The following KCNMA1 variants were observed in gnomAD, a reference collection of about 807,000 sequenced individuals.
The protein encoded by KCNMA1 is Calcium-activated potassium channel subunit alpha-1.
A neutral mutation model predicts 140.0 loss-of-function variants in KCNMA1; 29 were observed. The observed-to-expected ratio is 0.21, with a 90% CI of 0.15 to 0.28. KCNMA1 has a LOEUF of 0.28. Among genes scored for constraint, KCNMA1 ranks in the 10% least tolerant of loss-of-function variants. The pLI is 1.00. For synonymous variants in KCNMA1, 612 were observed against 611.9 expected (o/e 1.00, Z 0.00); for missense variants, 880 against 1,602.2 (o/e 0.55, Z 7.70).
chr10:77,121,872 A>G (rs2097606460), intron 5 of KCNMA1, among the ~76,000 whole-genome samples: 2 of 152,234 alleles, frequency 1.3e-5, no homozygotes, highest in South Asian at 4.1e-4. Flanking sequence ...GGCTATAATA[A>G]TTTGGCTATC....
chr10:77,548,006 A>T (rs1818388591), intron 1 of KCNMA1, among the ~76,000 whole-genome samples: 1 of 66,222 alleles, frequency 1.5e-5, no homozygotes, highest in Non-Finnish European at 3.2e-5. Context: ...TTTACAAATT[A>T]AAAAAAAAAA....
At chr10:77,618,532 C>T (rs1360428836) in intron 1 of KCNMA1, among the ~76,000 whole-genome samples, 2 of 152,152 alleles carry the variant, frequency 1.3e-5, no homozygotes, top group East Asian at 1.9e-4. Flanking sequence ...GAAGACTACT[C>T]GTCTAGAAGA....
intron 5 of KCNMA1, among the ~76,000 whole-genome samples, chr10:77,126,575 C>G (rs2097737385): frequency 1.3e-5 from 2 of 152,186 alleles, no homozygotes; most frequent in Admixed American, 1.3e-4. Flanking sequence ...CCCAAATCCC[C>G]TCTTCAGGGA....
At chr10:77,114,314 ACT>A (rs1288463327) in intron 6 of KCNMA1, among the ~76,000 whole-genome samples, 8 of 152,176 alleles carry the variant, frequency 5.3e-5, no homozygotes, top group Admixed American at 1.3e-4. Context: ...CAGACCCGTG[ACT>A]CTGCACTGAG....
chr10:77,579,898 T>A (rs1056687149), intron 1 of KCNMA1, among the ~76,000 whole-genome samples: 1 of 152,162 alleles, frequency 6.6e-6, no homozygotes, highest in Non-Finnish European at 1.5e-5. Context: ...GTTTCTTCCA[T>A]GAACAGCAAT....
intron 25 of KCNMA1, among the ~76,000 whole-genome samples, chr10:76,899,099 T>A (rs1280532367): frequency 1.3e-5 from 2 of 152,068 alleles, no homozygotes; most frequent in African/African-American, 4.8e-5. Context: ...CTACTGTTTT[T>A]AGGCAAAAAG....
At chr10:77,017,120 A>C (rs111746135) in intron 17 of KCNMA1, among the ~76,000 whole-genome samples, 378 of 152,150 alleles carry the variant, frequency 2.5e-3, no homozygotes, top group Non-Finnish European at 4.3e-3. Flanking sequence ...GACATATTGC[A>C]CTCCCTAATA....
chr10:77,019,409 A>C (rs1187529915), intron 16 of KCNMA1: 1 of 326,008 alleles, frequency 3.1e-6, no homozygotes, highest in African/African-American at 2.1e-5. Context: ...ACATGATTTG[A>C]AGCAAAGTCC....
At chr10:77,560,189 C>G (rs1247816665) in intron 1 of KCNMA1, among the ~76,000 whole-genome samples, 1 of 151,994 alleles carries the variant, frequency 6.6e-6, no homozygotes, top group Non-Finnish European at 1.5e-5. Flanking sequence ...TCAACAAAAA[C>G]AAAACAAAAT....
At chr10:77,025,281 T>TATATATACAC (rs1394239548) in intron 16 of KCNMA1, among the ~76,000 whole-genome samples, 1 of 122,328 alleles carries the variant, frequency 8.2e-6, no homozygotes, top group African/African-American at 2.9e-5. Flanking sequence ...TATATATATA[T>TATATATACAC]ACACACACAC....
chr10:77,061,275 A>T (rs2095739877), intron 14 of KCNMA1, among the ~76,000 whole-genome samples: 1 of 152,246 alleles, frequency 6.6e-6, no homozygotes, highest in African/African-American at 2.4e-5. Context: ...TACAAATTGT[A>T]TATCCAACGA....
chr10:77,376,094 G>A (rs2095082859), intron 2 of KCNMA1, among the ~76,000 whole-genome samples: 1 of 152,320 alleles, frequency 6.6e-6, no homozygotes, highest in African/African-American at 2.4e-5. Context: ...AACTCAGACA[G>A]GCCACGGTCC....
At chr10:77,084,571 C>A in intron 12 of KCNMA1, 66 bp downstream of exon 12, 1 of 1,256,186 alleles carries the variant, frequency 8.0e-7, no homozygotes, top group East Asian at 2.3e-5. Context: ...TGCAGAAGAT[C>A]CAAAAGGGCC....
At chr10:77,339,469 G>T (rs900860261) in intron 2 of KCNMA1, among the ~76,000 whole-genome samples, 1 of 152,160 alleles carries the variant, frequency 6.6e-6, no homozygotes, top group Non-Finnish European at 1.5e-5. Flanking sequence ...AGATGTGACT[G>T]TGTTTGTATC....
At chr10:77,571,129 C>T (rs1373005100) in intron 1 of KCNMA1, among the ~76,000 whole-genome samples, 1 of 152,168 alleles carries the variant, frequency 6.6e-6, no homozygotes, top group Non-Finnish European at 1.5e-5. Flanking sequence ...GTTTCTTCCT[C>T]ATTTGTTTCA....
chr10:77,295,284 T>C (rs1344871315), intron 2 of KCNMA1, among the ~76,000 whole-genome samples: 1 of 151,434 alleles, frequency 6.6e-6, no homozygotes, highest in African/African-American at 2.4e-5. Context: ...GAGGCAGAGG[T>C]TGCAGTGAGC....
At chr10:76,981,911 G>A (rs887049263) in intron 19 of KCNMA1, among the ~76,000 whole-genome samples, 9 of 152,120 alleles carry the variant, frequency 5.9e-5, no homozygotes, top group African/African-American at 1.7e-4. Context: ...AAATAGCTCC[G>A]AGCAGCTACA....
chr10:77,424,971 G>C (rs77920373), intron 1 of KCNMA1, among the ~76,000 whole-genome samples: 3,504 of 152,346 alleles, frequency 0.023, 124 homozygotes, highest in African/African-American at 0.08. Context: ...GCATGCAACT[G>C]TGCTCGTTGT....
At chr10:77,178,998 T>C (rs547098815) in intron 5 of KCNMA1, among the ~76,000 whole-genome samples, 2 of 152,328 alleles carry the variant, frequency 1.3e-5, no homozygotes, top group South Asian at 4.1e-4. Flanking sequence ...TCCGCTGCCT[T>C]ATTTTTTATT....
Sources: allele counts gnomAD v4.1 joint callset (sites outside exome capture counted in the v4.1 genomes callset), GRCh38; gene constraint gnomAD v4.1.1; transcripts MANE v1.5; gene names NCBI Gene and HGNC (gene_info 2026-07-23, HGNC 2026-07-21).